Variants in DDC observed in about 807,000 individuals in gnomAD.
DDC encodes the protein dopa decarboxylase.
Under a neutral mutation model 60.0 loss-of-function variants are expected in DDC, and 43 were observed. The observed-to-expected ratio is 0.72, with a 90% CI of 0.56 to 0.92. The LOEUF is 0.92. DDC is among the 40% of genes least tolerant of loss of function. DDC has a pLI of 0.00. For missense variants in DDC, 573 were observed against 620.2 expected, an observed-to-expected ratio of 0.92 and a Z score of 0.81; for synonymous variants, 232 against 234.6, an observed-to-expected ratio of 0.99 and a Z score of 0.10.
At chr7:50,523,132 A>G (rs1460133145) in intron 6 of DDC, among the ~76,000 whole-genome samples, 2 of 152,198 alleles carry the variant, frequency 1.3e-5, no homozygotes, top group African/African-American at 2.4e-5. Context: ...CTAGACATAG[A>G]CCTTACACCT....
chr7:50,552,471 GA>G (rs1244331349), intron 1 of DDC, among the ~76,000 whole-genome samples: 1 of 152,138 alleles, frequency 6.6e-6, no homozygotes, highest in Admixed American at 6.5e-5. Flanking sequence ...TGCCTCCCTG[GA>G]CTTCTGGCTC....
chr7:50,494,273 C>A (rs1454909150), intron 9 of DDC, among the ~76,000 whole-genome samples: 1 of 152,092 alleles, frequency 6.6e-6, no homozygotes, highest in African/African-American at 2.4e-5. Flanking sequence ...TTTGGGAGGC[C>A]GAGGAGGGTG....
In DDC at chr7:50,472,337, T is replaced by C. The variant is rs532942535; in HGVS notation, c.1042-2166A>G. Among the ~76,000 whole-genome samples the C allele has an allele frequency of 4.7e-4, 72 of 152,336 alleles. 1 individual carries two copies. The South Asian group carries it at 0.013, about 28-fold the overall frequency. On this transcript the variant is annotated intron_variant, in intron 11 of 14. Coordinates refer to ENST00000444124, the MANE Select transcript of DDC (RefSeq NM_001082971.2). ...AGGAGTAAAACCCATTTGACCCTCA[T>C]TCATGGGTCATCTGAAAGGATTCTT... is the stretch of plus-strand genomic sequence containing the variant.
intron 6 of DDC, among the ~76,000 whole-genome samples, chr7:50,512,027 C>T (rs967181570): frequency 6.6e-6 from 1 of 151,836 alleles, no homozygotes; most frequent in African/African-American, 2.4e-5. Context: ...CAAACACCAC[C>T]TATTCCACAA....
intron 13 of DDC, among the ~76,000 whole-genome samples, chr7:50,466,973 G>C (rs1227658543): frequency 6.6e-6 from 1 of 152,212 alleles, no homozygotes; most frequent in Non-Finnish European, 1.5e-5. Flanking sequence ...AAGATTCTGC[G>C]GCCAATAAGC....
chr7:50,516,145 G>A (rs970238945), intron 6 of DDC, among the ~76,000 whole-genome samples: 5 of 152,082 alleles, frequency 3.3e-5, no homozygotes, highest in African/African-American at 1.2e-4. Context: ...ACAGCGCATG[G>A]AACTTTCTCC....
At chr7:50,515,806 C>A (rs187596870) in intron 6 of DDC, among the ~76,000 whole-genome samples, 2 of 152,282 alleles carry the variant, frequency 1.3e-5, no homozygotes, top group African/African-American at 2.4e-5. Flanking sequence ...AACTTTAAGG[C>A]AACAGCAGTT....
chr7:50,564,211 C>T (rs2153555134), intron 1 of DDC: 1 of 152,320 alleles, frequency 6.6e-6, no homozygotes, highest in South Asian at 2.1e-4. Flanking sequence ...GGGTAGAGTT[C>T]TATAGGGTCA....
intron 9 of DDC, among the ~76,000 whole-genome samples, chr7:50,491,339 T>C (rs2042993642): frequency 6.6e-6 from 1 of 151,176 alleles, no homozygotes; most frequent in Non-Finnish European, 1.5e-5. Flanking sequence ...TCTCTCTCTC[T>C]TCCTCCACCT....
chr7:50,535,629 C>T (rs952984132), intron 4 of DDC, among the ~76,000 whole-genome samples: 10 of 152,162 alleles, frequency 6.6e-5, no homozygotes, highest in Non-Finnish European at 1.0e-4. Flanking sequence ...GGGTGTCATC[C>T]GGATGAATTA....
At chr7:50,499,959 G>A (rs2043211701) in intron 7 of DDC, among the ~76,000 whole-genome samples, 1 of 152,202 alleles carries the variant, frequency 6.6e-6, no homozygotes, top group Non-Finnish European at 1.5e-5. Flanking sequence ...GGAAGATGGA[G>A]ATGAAATAGT....
At chr7:50,540,670 C>T (rs1236512438) in intron 2 of DDC, among the ~76,000 whole-genome samples, 1 of 152,206 alleles carries the variant, frequency 6.6e-6, no homozygotes, top group Non-Finnish European at 1.5e-5. Context: ...CTGGCCACTG[C>T]CCCTTGCCAT....
At chr7:50,520,986 G>A (rs918233398) in intron 6 of DDC, among the ~76,000 whole-genome samples, 6 of 151,686 alleles carry the variant, frequency 4.0e-5, no homozygotes, top group African/African-American at 1.5e-4. Flanking sequence ...ATAAGAATTA[G>A]AGCAGAAATC....
intron 2 of DDC, chr7:50,540,258 A>C: frequency 2.0e-6 from 1 of 512,740 alleles, no homozygotes; most frequent in Non-Finnish European, 3.6e-6. Context: ...CCTTTTTGAC[A>C]CTGGAATGTA....
rs1287525818 is a variant in DDC, at chr7:50,479,846, T to A, written c.962A>T (p.Asp321Val). 6.2e-7 allele frequency: 1 copy of A among 1,613,712 alleles called. No homozygotes were observed. The highest frequency in any genetic ancestry group is 8.5e-7 in the Non-Finnish European group (1 of 1,179,942). The change falls in exon 10 of 15, where the codon GAC (aspartate) becomes GTC (valine). Residue 321 changes from aspartate (D) to valine (V), a missense_variant. Physicochemically the swap from Asp to Val is radical, Grantham distance 152. Coordinates refer to ENST00000444124, the MANE Select transcript of DDC (RefSeq NM_001082971.2). ...GTCCAGTCTAAAGGCTCCCGTTAAG[T>A]CTGTTCTCTTTTTCACCCTGGTTTT... ...CSAMWVKKRT[D>V]LTGAFRLDPT...
intron 9 of DDC, among the ~76,000 whole-genome samples, chr7:50,482,222 C>T (rs1487079378): frequency 6.6e-6 from 1 of 152,192 alleles, no homozygotes; most frequent in Non-Finnish European, 1.5e-5. Flanking sequence ...TCCTGGTCAA[C>T]GTTTAGTATG....
rs1465694944 is a variant in DDC at position 50,529,097 on chromosome 7, G to A, written c.570+111C>T. 9.8e-6 allele frequency: 14 copies of A among 1,428,394 alleles called. No homozygotes were observed. The East Asian group carries it at 3.2e-4, about 33-fold the overall frequency. 88.5% of individuals were successfully genotyped at this position (1,428,394 alleles called of 1,614,324 possible). ...TTCAGGTCTCTATTTAGTGATACCT[G>A]AGGAACTGTTCTTAGATTTGGAAGG... On this transcript the variant is annotated intron_variant, in intron 5 of 14. Transcript: ENST00000444124.
At chr7:50,474,776 G>A (rs2042605557) in intron 11 of DDC, among the ~76,000 whole-genome samples, 1 of 152,218 alleles carries the variant, frequency 6.6e-6, no homozygotes, top group Non-Finnish European at 1.5e-5. Context: ...GTTATTTTAT[G>A]TGAACCAGAG....
intron 11 of DDC, among the ~76,000 whole-genome samples, chr7:50,474,746 G>A (rs2042604836): frequency 6.6e-6 from 1 of 152,200 alleles, no homozygotes; most frequent in South Asian, 2.1e-4. Context: ...AGTCAATACG[G>A]AGTTTTTAGC....
Sources: gnomAD v4.1 joint callset for allele counts (sites outside exome capture counted in the v4.1 genomes callset) on GRCh38, gnomAD v4.1.1 for gene constraint, MANE v1.5 for transcripts, NCBI Gene and HGNC (gene_info 2026-07-23, HGNC 2026-07-21) for gene names.